C1orf122: variants seen among roughly 807,000 people sequenced by gnomAD.
The protein encoded by C1orf122 is uncharacterized protein C1orf122.
C1orf122 carries 12 observed loss-of-function variants against 12.9 expected under a neutral mutation model. The observed-to-expected ratio is 0.93, with a 90% CI of 0.60 to 1.51. The LOEUF (loss-of-function observed/expected upper bound fraction) is 1.51. C1orf122 is among the 40% of genes most tolerant of loss of function. The pLI is 0.00. For synonymous variants in C1orf122, 57 were observed against 73.4 expected, an observed-to-expected ratio of 0.78 and a Z score of 1.14; for missense variants, 144 against 162.1, an observed-to-expected ratio of 0.89 and a Z score of 0.61.
chr1:37,808,164 C>A lies in C1orf122; in HGVS notation c.-241C>A, dbSNP rs924277041. The stretch of plus-strand genomic sequence containing the variant: ...CACCGCGGCCCTCATCCCCCTGCAC[C>A]GACGCGCCGGAGACATCCGCCCAGG... On this transcript the variant is annotated 5_prime_UTR_variant, in exon 1 of 3. Transcript: ENST00000373042. The A allele has an allele frequency of 1.4e-6, 2 of 1,459,496 alleles. No homozygotes were observed. The highest frequency in any genetic ancestry group is 1.5e-5 in the African/African-American group (1 of 68,320). The allele number at this position is 1,459,496 out of a possible 1,614,324, so 90.4% of individuals were successfully genotyped here.
Position 37,809,366 on chromosome 1 carries a change from G to T in C1orf122, c.*293G>T. 4.2e-6 allele frequency: 2 copies of T among 477,784 alleles called. No individual in the cohort carries two copies. Among genetic ancestry groups the T allele is most frequent in the Non-Finnish European group, 7.7e-6 (2 of 259,464 alleles). 29.6% of individuals were successfully genotyped at this position (477,784 alleles called of 1,614,324 possible). On this transcript the variant is annotated 3_prime_UTR_variant, in exon 3 of 3. Coordinates refer to ENST00000373042, the MANE Select transcript of C1orf122 (RefSeq NM_198446.3). ...GCCTGCTATGGGGGATCCAGGTGGTGTTACATGTCCATTTCATGTTTTGGG... is the reference window on the plus strand; with the variant it reads ...GCCTGCTATGGGGGATCCAGGTGGTTTTACATGTCCATTTCATGTTTTGGG...
In C1orf122 at chr1:37,809,349, T is replaced by C; in HGVS notation, c.*276T>C. 3.8e-6 allele frequency: 2 copies of C among 521,346 alleles called. No individual in the cohort carries two copies. Among genetic ancestry groups the C allele is most frequent in the East Asian group, 6.9e-5 (2 of 28,882 alleles). 32.3% of individuals were successfully genotyped at this position (521,346 alleles called of 1,614,324 possible). The stretch of plus-strand genomic sequence containing the variant: ...CTCGCCAGAGTGGTCTGGCCTGCTA[T>C]GGGGGATCCAGGTGGTGTTACATGT... On this transcript the variant is annotated 3_prime_UTR_variant, in exon 3 of 3. Coordinates refer to ENST00000373042, the MANE Select transcript of C1orf122 (RefSeq NM_198446.3).
chr1:37,808,153 T>C lies in C1orf122; in HGVS notation c.-252T>C. On this transcript the variant is annotated 5_prime_UTR_variant, in exon 1 of 3. Transcript: ENST00000373042. ...ACGCTGGCAGCCACCGCGGCCCTCA[T>C]CCCCCTGCACCGACGCGCCGGAGAC... is the stretch of plus-strand genomic sequence containing the variant. 2.0e-6 allele frequency: 3 copies of C among 1,469,002 alleles called. No individual in the cohort carries two copies. Among genetic ancestry groups the C allele is most frequent in the Non-Finnish European group, 1.8e-6 (2 of 1,116,798 alleles). 91.0% of individuals were successfully genotyped at this position (1,469,002 alleles called of 1,614,324 possible).
In C1orf122 at chr1:37,808,234, A is replaced by C; in HGVS notation, c.-171A>C. On this transcript the variant is annotated 5_prime_UTR_variant, in exon 1 of 3. Coordinates refer to ENST00000373042, the MANE Select transcript of C1orf122 (RefSeq NM_198446.3). ...GACGCTCCCAGCCAGCTTCCGGTCCAGGAGACTCGGCCCCGCCTCTGCGCC... is the reference window on the plus strand; with the variant it reads ...GACGCTCCCAGCCAGCTTCCGGTCCCGGAGACTCGGCCCCGCCTCTGCGCC... 2 of 1,378,188 alleles carry C rather than the reference A, an allele frequency of 1.5e-6. No homozygotes were observed. Among genetic ancestry groups the C allele is most frequent in the South Asian group, 1.6e-5 (1 of 63,026 alleles). The allele number at this position is 1,378,188 out of a possible 1,614,324, so 85.4% of individuals were successfully genotyped here.
In C1orf122 at chr1:37,808,134, G is replaced by A. The variant is rs1418029926; in HGVS notation, c.-271G>A. The A allele has an allele frequency of 2.0e-6, 3 of 1,469,636 alleles. No individual in the cohort carries two copies. The highest frequency in any genetic ancestry group is 3.0e-5 in the East Asian group (1 of 33,274). 91.0% of individuals were successfully genotyped at this position (1,469,636 alleles called of 1,614,324 possible). On this transcript the variant is annotated 5_prime_UTR_variant, in exon 1 of 3. Coordinates refer to ENST00000373042, the MANE Select transcript of C1orf122 (RefSeq NM_198446.3). ...AGGCCCCTCGCTCAACCCCACGCTG[G>A]CAGCCACCGCGGCCCTCATCCCCCT...
In C1orf122 at chr1:37,807,836, G is replaced by C; in HGVS notation, c.-569G>C. The C allele has an allele frequency of 6.6e-7, 1 of 1,509,180 alleles. No homozygotes were observed. Among genetic ancestry groups the C allele is most frequent in the Non-Finnish European group, 8.8e-7 (1 of 1,133,562 alleles). The allele number at this position is 1,509,180 out of a possible 1,614,324, so 93.5% of individuals were successfully genotyped here. A position where few individuals can be genotyped will look rare whatever the true frequency, so the allele number is the denominator to read the frequency against. On this transcript the variant is annotated 5_prime_UTR_variant, in exon 1 of 3. Transcript: ENST00000373042. ...GGCCGAGGCATACGGCCAGAGGCTTGGCCTCGCTGCGACCCTTGAGGCGGT... is the reference window on the plus strand; with the variant it reads ...GGCCGAGGCATACGGCCAGAGGCTTCGCCTCGCTGCGACCCTTGAGGCGGT...
intron 2 of C1orf122, 70 bp from the exon 3 acceptor site, chr1:37,808,908 C>T (rs1646764902): frequency 1.3e-6 from 2 of 1,527,386 alleles, no homozygotes; most frequent in Non-Finnish European, 8.9e-7. Context: ...GCCAAATGGC[C>T]ACATCCTTGT....
At position 37,808,151 on chromosome 1, in the gene C1orf122, C is replaced by A. The variant is rs1305767698; in HGVS notation, c.-254C>A. 3 of 1,470,880 alleles carry A rather than the reference C, an allele frequency of 2.0e-6. No homozygotes were observed. The African/African-American group carries it at 4.4e-5, about 22-fold the overall frequency. The allele number at this position is 1,470,880 out of a possible 1,614,324, so 91.1% of individuals were successfully genotyped here. ...CCACGCTGGCAGCCACCGCGGCCCT[C>A]ATCCCCCTGCACCGACGCGCCGGAG... On this transcript the variant is annotated 5_prime_UTR_variant, in exon 1 of 3. Coordinates refer to ENST00000373042, the MANE Select transcript of C1orf122 (RefSeq NM_198446.3).
Position 37,808,314 on chromosome 1 carries a change from CG to C in C1orf122, c.-87del. ...GAGGATTGAAGGAGACCGGTGGGGACGGGGCGGGGCGCAGCCTTGCGAAGCC... is the reference window on the plus strand; with the variant it reads ...GAGGATTGAAGGAGACCGGTGGGGACGGGCGGGGCGCAGCCTTGCGAAGCC... On this transcript the variant is annotated 5_prime_UTR_variant, in exon 1 of 3. Coordinates refer to ENST00000373042, the MANE Select transcript of C1orf122 (RefSeq NM_198446.3). The C allele has an allele frequency of 7.9e-7, 1 of 1,264,772 alleles. No individual in the cohort carries two copies. Among genetic ancestry groups the C allele is most frequent in the Non-Finnish European group, 9.9e-7 (1 of 1,005,668 alleles). The allele number at this position is 1,264,772 out of a possible 1,614,324, so 78.3% of individuals were successfully genotyped here. A position where few individuals can be genotyped will look rare whatever the true frequency, so the allele number is the denominator to read the frequency against.
At position 37,808,147 on chromosome 1, in the gene C1orf122, C is replaced by T. The variant is rs1352121804; in HGVS notation, c.-258C>T. 2.0e-6 allele frequency: 3 copies of T among 1,471,582 alleles called. No individual in the cohort carries two copies. Among genetic ancestry groups the T allele is most frequent in the East Asian group, 6.0e-5 (2 of 33,298 alleles). 91.2% of individuals were successfully genotyped at this position (1,471,582 alleles called of 1,614,324 possible). On this transcript the variant is annotated 5_prime_UTR_variant, in exon 1 of 3. Coordinates refer to ENST00000373042, the MANE Select transcript of C1orf122 (RefSeq NM_198446.3). Reference sequence around the variant, plus strand: ...AACCCCACGCTGGCAGCCACCGCGGCCCTCATCCCCCTGCACCGACGCGCC... The same window carrying T: ...AACCCCACGCTGGCAGCCACCGCGGTCCTCATCCCCCTGCACCGACGCGCC...
chr1:37,809,313 G>A lies in C1orf122; in HGVS notation c.*240G>A, dbSNP rs1640657351. 3 of 622,854 alleles carry A rather than the reference G, an allele frequency of 4.8e-6. No homozygotes were observed. The highest frequency in any genetic ancestry group is 8.9e-6 in the Non-Finnish European group (3 of 337,902). 38.6% of individuals were successfully genotyped at this position (622,854 alleles called of 1,614,324 possible). A position where few individuals can be genotyped will look rare whatever the true frequency, so the allele number is the denominator to read the frequency against. Reference sequence around the variant, plus strand: ...CAGTCTGATTACCCAGATTTGGGCAGACCAGCAGTGCTCGCCAGAGTGGTC... The same window carrying A: ...CAGTCTGATTACCCAGATTTGGGCAAACCAGCAGTGCTCGCCAGAGTGGTC... On this transcript the variant is annotated 3_prime_UTR_variant, in exon 3 of 3. Transcript: ENST00000373042.
chr1:37,807,790 A>G lies in C1orf122; in HGVS notation c.-615A>G. 1 of 1,507,616 alleles carries G rather than the reference A, an allele frequency of 6.6e-7. No homozygotes were observed. The highest frequency in any genetic ancestry group is 8.8e-7 in the Non-Finnish European group (1 of 1,132,432). The allele number at this position is 1,507,616 out of a possible 1,614,324, so 93.4% of individuals were successfully genotyped here. A position where few individuals can be genotyped will look rare whatever the true frequency, so the allele number is the denominator to read the frequency against. On this transcript the variant is annotated 5_prime_UTR_variant, in exon 1 of 3. Coordinates refer to ENST00000373042, the MANE Select transcript of C1orf122 (RefSeq NM_198446.3). ...AGCGGGGCCGGGTCGGGGCGGCCTT[A>G]CCTGTAGACGTCGGCCACGCGGCCG...
intron 2 of C1orf122, 111 bp downstream of exon 2, chr1:37,808,843 C>T: frequency 3.5e-6 from 5 of 1,437,000 alleles, no homozygotes; most frequent in Middle Eastern, 2.0e-4. Context: ...GCCGCTTTAT[C>T]CCTAACCTCC....
At position 37,809,426 on chromosome 1, in the gene C1orf122, C is replaced by T. The variant is rs571983522; in HGVS notation, c.*353C>T. 1.5e-5 allele frequency: 5 copies of T among 323,890 alleles called. No individual in the cohort carries two copies. In the East Asian group the frequency reaches 4.3e-4, roughly 28 times the overall value. 20.1% of individuals were successfully genotyped at this position (323,890 alleles called of 1,614,324 possible). A position where few individuals can be genotyped will look rare whatever the true frequency, so the allele number is the denominator to read the frequency against. On this transcript the variant is annotated 3_prime_UTR_variant, in exon 3 of 3. Transcript: ENST00000373042. ...CCCCACAAAACACCTTCAGTAGAGC[C>T]TTGATTAAAAGGAAACCTGCAGACT...
In C1orf122 at chr1:37,808,109, A is replaced by G; in HGVS notation, c.-296A>G. On this transcript the variant is annotated 5_prime_UTR_variant, in exon 1 of 3. Transcript: ENST00000373042. Reference sequence around the variant, plus strand: ...AGAGGCGACCGCTCCGGGAGCCAGCAGGCCCCTCGCTCAACCCCACGCTGG... The same window carrying G: ...AGAGGCGACCGCTCCGGGAGCCAGCGGGCCCCTCGCTCAACCCCACGCTGG... 1 of 1,442,122 alleles carries G rather than the reference A, an allele frequency of 6.9e-7. No individual in the cohort carries two copies. Among genetic ancestry groups the G allele is most frequent in the Non-Finnish European group, 9.1e-7 (1 of 1,102,400 alleles). 89.3% of individuals were successfully genotyped at this position (1,442,122 alleles called of 1,614,324 possible). A position where few individuals can be genotyped will look rare whatever the true frequency, so the allele number is the denominator to read the frequency against.
In C1orf122 at chr1:37,809,137, A is replaced by G. The variant is rs1646768075; in HGVS notation, c.*64A>G. On this transcript the variant is annotated 3_prime_UTR_variant, in exon 3 of 3. Coordinates refer to ENST00000373042, the MANE Select transcript of C1orf122 (RefSeq NM_198446.3). ...CAGGGCCGGTGGCTGGACTCTGAAC[A>G]ACTCCCTTCAGTAAAGGGGCCAGTC... The G allele has an allele frequency of 6.4e-7, 1 of 1,560,842 alleles. No homozygotes were observed. Among genetic ancestry groups the G allele is most frequent in the Non-Finnish European group, 8.8e-7 (1 of 1,131,594 alleles).
At position 37,809,193 on chromosome 1, in the gene C1orf122, A is replaced by T; in HGVS notation, c.*120A>T. On this transcript the variant is annotated 3_prime_UTR_variant, in exon 3 of 3. Coordinates refer to ENST00000373042, the MANE Select transcript of C1orf122 (RefSeq NM_198446.3). ...TGGCAGTGGCTGGTACTTGGCTCTC[A>T]GCCTGGAGTGGCAGCTCTGCTAGCA... The T allele has an allele frequency of 8.4e-7, 1 of 1,195,372 alleles. No homozygotes were observed. The highest frequency in any genetic ancestry group is 1.2e-5 in the South Asian group (1 of 82,226). The allele number at this position is 1,195,372 out of a possible 1,614,324, so 74.0% of individuals were successfully genotyped here. A position where few individuals can be genotyped will look rare whatever the true frequency, so the allele number is the denominator to read the frequency against.
Position 37,808,650 on chromosome 1 carries a change from G to A in C1orf122, c.155G>A (p.Arg52Gln), listed in dbSNP as rs964393075. ...CTGGACGCGGTGGAGCAGCGGCAGCGGCAGCTCCTGGACACCATCGCAGCC... is the reference window on the plus strand; with the variant it reads ...CTGGACGCGGTGGAGCAGCGGCAGCAGCAGCTCCTGGACACCATCGCAGCC... ...QLLDAVEQRQ[R>Q]QLLDTIAACE... Residue 52 changes from arginine (R) to glutamine (Q), a missense_variant, in exon 2 of 3, where the codon CGG becomes CAG. Coordinates refer to ENST00000373042, the MANE Select transcript of C1orf122 (RefSeq NM_198446.3). 6 of 1,336,780 alleles carry A rather than the reference G, an allele frequency of 4.5e-6. No homozygotes were observed. Among genetic ancestry groups the A allele is most frequent in the Admixed American group, 8.0e-5 (2 of 25,038 alleles). The allele number at this position is 1,336,780 out of a possible 1,614,324, so 82.8% of individuals were successfully genotyped here.
rs1173674781 is a variant in C1orf122 at position 37,807,867 on chromosome 1, G to C, written c.-538G>C. 1.6e-5 allele frequency: 23 copies of C among 1,474,100 alleles called. No homozygotes were observed. The highest frequency in any genetic ancestry group is 2.1e-5 in the Non-Finnish European group (23 of 1,112,960). 91.3% of individuals were successfully genotyped at this position (1,474,100 alleles called of 1,614,324 possible). On this transcript the variant is annotated 5_prime_UTR_variant, in exon 1 of 3. Transcript: ENST00000373042. ...GCTGCGACCCTTGAGGCGGTACACA[G>C]CGCGCAGAGCCGCCGAGCAGCTCGC...
Sources: allele counts gnomAD v4.1 joint callset, GRCh38; gene constraint gnomAD v4.1.1; transcripts MANE v1.5; gene names NCBI Gene and HGNC (gene_info 2026-07-23, HGNC 2026-07-21).